Variants in CHST9 observed in about 807,000 individuals in gnomAD.
CHST9 encodes GalNAc-4-sulfotransferase 2.
CHST9 carries 41 observed loss-of-function variants against 44.4 expected under a neutral mutation model. The ratio of observed to expected loss-of-function variants is 0.92; its 90% CI spans 0.72 to 1.20. The LOEUF (loss-of-function observed/expected upper bound fraction) is 1.20. Ranked by LOEUF, CHST9 falls within the 50% of genes most tolerant of loss-of-function variation. The probability of loss-of-function intolerance (pLI) is 0.00; values close to 1 mark genes in which losing one functional copy is unlikely to be tolerated. For synonymous variants in CHST9, 171 were observed against 178.4 expected (o/e 0.96, Z 0.33); for missense variants, 504 against 516.5 (o/e 0.98, Z 0.23).
At chr18:27,051,871 T>C (rs1387809666) in intron 2 of CHST9, among the ~76,000 whole-genome samples, 1 of 152,182 alleles carries the variant, frequency 6.6e-6, no homozygotes, top group Non-Finnish European at 1.5e-5. Context: ...GTAATGCTAA[T>C]TGCAGGCATA....
intron 4 of CHST9, among the ~76,000 whole-genome samples, chr18:26,987,399 T>C (rs928213666): frequency 1.3e-5 from 2 of 152,176 alleles, no homozygotes; most frequent in African/African-American, 2.4e-5. Context: ...ATTTTTTCTT[T>C]ATAAATGACC....
chr18:27,053,270 G>GAAGGAC (rs2057605665), intron 2 of CHST9, among the ~76,000 whole-genome samples: 2 of 121,304 alleles, frequency 1.6e-5, no homozygotes, highest in African/African-American at 6.3e-5. Context: ...AGGAGAAGGA[G>GAAGGAC]AAGGAGAAGG....
chr18:26,996,440 A>G (rs1322705145), intron 4 of CHST9, among the ~76,000 whole-genome samples: 3 of 152,128 alleles, frequency 2.0e-5, no homozygotes, highest in South Asian at 2.1e-4. Context: ...ATAGTGAGTG[A>G]GTTCTTCAGA....
intron 3 of CHST9, among the ~76,000 whole-genome samples, chr18:27,043,584 T>G (rs919572616): frequency 6.6e-6 from 1 of 151,990 alleles, no homozygotes; most frequent in Non-Finnish European, 1.5e-5. Flanking sequence ...TTTTCTTGGC[T>G]TCCTCTCTAA....
intron 3 of CHST9, among the ~76,000 whole-genome samples, chr18:27,037,029 T>C (rs550238436): frequency 6.6e-6 from 1 of 152,328 alleles, no homozygotes; most frequent in East Asian, 1.9e-4. Flanking sequence ...TACATGCTTA[T>C]TGGGCACATT....
At chr18:26,945,269 T>A (rs1031673033) in intron 4 of CHST9, among the ~76,000 whole-genome samples, 2 of 152,168 alleles carry the variant, frequency 1.3e-5, no homozygotes, top group African/African-American at 4.8e-5. Context: ...TGCAGAGAGA[T>A]CTCTTGTACT....
chr18:26,997,210 A>T (rs2056896783), intron 4 of CHST9, among the ~76,000 whole-genome samples: 2 of 152,242 alleles, frequency 1.3e-5, no homozygotes. Context: ...AATGTTGGTG[A>T]TCATGCAGAA....
intron 3 of CHST9, among the ~76,000 whole-genome samples, chr18:27,031,900 A>G (rs561869450): frequency 1.3e-5 from 2 of 152,364 alleles, no homozygotes; most frequent in African/African-American, 2.4e-5. Context: ...CGGCACAGGC[A>G]TGAGCAGCAT....
intron 1 of CHST9, among the ~76,000 whole-genome samples, chr18:27,162,318 T>C (rs893064909): frequency 3.9e-5 from 6 of 151,918 alleles, no homozygotes; most frequent in African/African-American, 7.3e-5. Context: ...TGAGGCAAGC[T>C]CTCAGCATTT....
At chr18:26,962,931 T>A (rs914460677) in intron 4 of CHST9, among the ~76,000 whole-genome samples, 1 of 152,206 alleles carries the variant, frequency 6.6e-6, no homozygotes, top group African/African-American at 2.4e-5. Flanking sequence ...TGAGATGGGA[T>A]GAAGCCAGAG....
At chr18:27,110,233 T>C (rs1312894584) in intron 2 of CHST9, among the ~76,000 whole-genome samples, 1 of 152,100 alleles carries the variant, frequency 6.6e-6, no homozygotes, top group East Asian at 1.9e-4. Flanking sequence ...TCTTACCACT[T>C]AGGGGTCTAA....
At chr18:27,013,694 T>C (rs907778961) in intron 4 of CHST9, among the ~76,000 whole-genome samples, 1 of 152,220 alleles carries the variant, frequency 6.6e-6, no homozygotes, top group African/African-American at 2.4e-5. Context: ...GCAGCAGGTG[T>C]TGTTTTGTAT....
chr18:26,965,987 A>T (rs1341162081), intron 4 of CHST9, among the ~76,000 whole-genome samples: 1 of 152,230 alleles, frequency 6.6e-6, no homozygotes, highest in Non-Finnish European at 1.5e-5. Context: ...ACATAATATG[A>T]TCCATGCCTC....
intron 2 of CHST9, among the ~76,000 whole-genome samples, chr18:27,119,169 A>G (rs1183189132): frequency 6.6e-6 from 1 of 152,108 alleles, no homozygotes; most frequent in Non-Finnish European, 1.5e-5. Flanking sequence ...TTGGCCCAGC[A>G]TTTTTAAATG....
intron 2 of CHST9, among the ~76,000 whole-genome samples, chr18:27,141,787 C>A (rs952526868): frequency 6.7e-6 from 1 of 148,272 alleles, no homozygotes. Flanking sequence ...TGGAGACAAT[C>A]AAAAAATCAT....
intron 3 of CHST9, among the ~76,000 whole-genome samples, chr18:27,031,248 A>G (rs2057337498): frequency 6.6e-6 from 1 of 152,164 alleles, no homozygotes; most frequent in African/African-American, 2.4e-5. Flanking sequence ...TCAGTGTCCC[A>G]TTGTTGCCTC....
chr18:27,020,700 G>A (rs935500278), intron 4 of CHST9, among the ~76,000 whole-genome samples: 1 of 152,160 alleles, frequency 6.6e-6, no homozygotes, highest in Non-Finnish European at 1.5e-5. Flanking sequence ...ATTAAAATAG[G>A]AGTCAATAAC....
chr18:27,034,502 A>T (rs530464350), intron 3 of CHST9, among the ~76,000 whole-genome samples: 4 of 152,192 alleles, frequency 2.6e-5, no homozygotes, highest in Admixed American at 6.5e-5. Context: ...TCCAGTGTTT[A>T]TTTTTTTCTC....
intron 4 of CHST9, among the ~76,000 whole-genome samples, chr18:26,994,561 T>A (rs2056862758): frequency 6.6e-6 from 1 of 152,086 alleles, no homozygotes; most frequent in South Asian, 2.1e-4. Context: ...TGTATCCACT[T>A]GAGTGTGGGC....
Sources: allele counts gnomAD v4.1 joint callset (sites outside exome capture counted in the v4.1 genomes callset), GRCh38; gene constraint gnomAD v4.1.1; transcripts MANE v1.5; gene names NCBI Gene and HGNC (gene_info 2026-07-23, HGNC 2026-07-21).